The following SEH1L variants were observed in gnomAD, a reference collection of about 807,000 sequenced individuals.
SEH1L encodes the protein nucleoporin SEH1.
SEH1L carries 18 observed loss-of-function variants against 49.5 expected under a neutral mutation model. The ratio of observed to expected loss-of-function variants is 0.36; its 90% confidence interval spans 0.25 to 0.54. SEH1L has a LOEUF of 0.54. Among genes scored for constraint, SEH1L ranks in the 20% least tolerant of loss-of-function variants. The pLI is 0.87. For synonymous variants in SEH1L, 169 were observed against 178.1 expected, an observed-to-expected ratio of 0.95 and a Z score of 0.41; for missense variants, 404 against 528.8, an observed-to-expected ratio of 0.76 and a Z score of 2.31.
intron 3 of SEH1L, 123 bp from the exon 4 acceptor site, chr18:12,963,037 C>G: frequency 1.6e-6 from 1 of 640,704 alleles, no homozygotes; most frequent in Non-Finnish European, 2.6e-6. Flanking sequence ...GAGATGTATC[C>G]AAGCTTATAT....
chr18:12,985,266 G>T, intron 8 of SEH1L: 2 of 1,608,490 alleles, frequency 1.2e-6, no homozygotes, highest in South Asian at 2.2e-5. Context: ...CAAGCTAACT[G>T]GAGTAACTTT....
At position 12,965,263 on chromosome 18, in the gene SEH1L, C is replaced by G. The variant is rs534143913; in HGVS notation, c.521+1892C>G. Among the ~76,000 whole-genome samples the G allele has an allele frequency of 2.8e-4, 43 of 152,134 alleles. 2 individuals carry two copies. The South Asian group carries it at 8.3e-3, about 29-fold the overall frequency. ...TCCTGACCTTGTGATCCGCCCACCT[C>G]GGCCTCCCAAACTGCTGGGATTACA... On this transcript the variant is annotated intron_variant, in intron 4 of 8. Transcript: ENST00000399892.
chr18:12,981,633 A>G (rs1299084931), intron 6 of SEH1L, among the ~76,000 whole-genome samples: 1 of 152,204 alleles, frequency 6.6e-6, no homozygotes, highest in African/African-American at 2.4e-5. Context: ...GCAGATTTAT[A>G]TTCTCTTAAC....
At chr18:12,978,601 G>A in intron 5 of SEH1L, 151 bp from the exon 6 acceptor site, 1 of 602,258 alleles carries the variant, frequency 1.7e-6, no homozygotes, top group Non-Finnish European at 2.9e-6. Flanking sequence ...TCAGGACTTG[G>A]ACATATTCTT....
chr18:12,969,987 CTTATAA>C (rs1287492319), intron 4 of SEH1L, among the ~76,000 whole-genome samples: 1 of 152,170 alleles, frequency 6.6e-6, no homozygotes, highest in Non-Finnish European at 1.5e-5. Flanking sequence ...TTATAAATAA[CTTATAA>C]TTTTATTTTA....
At position 12,978,766 on chromosome 18, in the gene SEH1L, C is replaced by G; in HGVS notation, c.635C>G (p.Ala212Gly). ...YNENTRKYAK[A>G]ETLMTVTDPV... ...TTTTCCATTAGGAAATATGCAAAAG[C>G]TGAAACTCTTATGACAGTCACTGAT... Residue 212 changes from alanine to glycine, a missense_variant, in exon 6 of 9, where the codon GCT becomes GGT. Coordinates refer to ENST00000399892, the MANE Select transcript of SEH1L (RefSeq NM_001013437.2). The G allele has an allele frequency of 6.2e-7, 1 of 1,608,872 alleles. No individual in the cohort carries two copies. The highest frequency in any genetic ancestry group is 1.7e-5 in the Admixed American group (1 of 58,796).
chr18:12,969,859 C>T (rs1444306787), intron 4 of SEH1L, among the ~76,000 whole-genome samples: 1 of 151,956 alleles, frequency 6.6e-6, no homozygotes, highest in Non-Finnish European at 1.5e-5. Context: ...CACTGCACTC[C>T]AGCCTGGGTG....
chr18:12,967,287 G>A (rs2031493191), intron 4 of SEH1L, among the ~76,000 whole-genome samples: 1 of 152,052 alleles, frequency 6.6e-6, no homozygotes, highest in South Asian at 2.1e-4. Context: ...ATATGTTGTT[G>A]ATTGACTAAC....
At chr18:12,970,383 G>A (rs1204437594) in intron 4 of SEH1L, among the ~76,000 whole-genome samples, 1 of 152,150 alleles carries the variant, frequency 6.6e-6, no homozygotes, top group Non-Finnish European at 1.5e-5. Context: ...TGCAGGGGTA[G>A]TCTTTTCCAC....
At chr18:12,966,804 C>G (rs1213441433) in intron 4 of SEH1L, among the ~76,000 whole-genome samples, 1 of 152,190 alleles carries the variant, frequency 6.6e-6, no homozygotes, top group Non-Finnish European at 1.5e-5. Flanking sequence ...TCTCTTGTCT[C>G]TGTTCTGTCT....
intron 3 of SEH1L, among the ~76,000 whole-genome samples, chr18:12,958,599 A>T (rs2031020003): frequency 6.6e-6 from 1 of 152,160 alleles, no homozygotes. Flanking sequence ...GTGGAATCAC[A>T]GTATTTGTCC....
intron 5 of SEH1L, chr18:12,976,946 A>G (rs2031949957): frequency 1.3e-5 from 2 of 152,148 alleles, no homozygotes; most frequent in Admixed American, 6.6e-5. Flanking sequence ...ACTGCACTCC[A>G]GCCTGGGCGA....
intron 4 of SEH1L, among the ~76,000 whole-genome samples, chr18:12,968,588 C>T (rs947731128): frequency 1.3e-5 from 2 of 152,168 alleles, no homozygotes; most frequent in Non-Finnish European, 2.9e-5. Context: ...GTGATACGGA[C>T]TCTTTTTTCC....
At chr18:12,950,911 C>T (rs1598937653) in intron 1 of SEH1L, among the ~76,000 whole-genome samples, 1 of 152,050 alleles carries the variant, frequency 6.6e-6, no homozygotes, top group East Asian at 1.9e-4. Flanking sequence ...GCCTTAAACT[C>T]CTGGGCTCAA....
At chr18:12,961,166 G>A (rs546987484) in intron 3 of SEH1L, among the ~76,000 whole-genome samples, 3 of 152,242 alleles carry the variant, frequency 2.0e-5, no homozygotes, top group South Asian at 2.1e-4. Flanking sequence ...CTGGAGTTGC[G>A]CAGATGCTCA....
chr18:12,955,707 C>T, intron 3 of SEH1L, 98 bp downstream of exon 3: 2 of 1,220,720 alleles, frequency 1.6e-6, no homozygotes, highest in Non-Finnish European at 2.3e-6. Context: ...AATATCACCA[C>T]TCCCCTCTAG....
rs190539471 is a variant in SEH1L, at chr18:12,954,379, A to G, written c.163-1084A>G. Among the ~76,000 whole-genome samples, 386 of 152,312 alleles carry G rather than the reference A, an allele frequency of 2.5e-3. 1 individual carries two copies. Among genetic ancestry groups the G allele is most frequent in the Admixed American group, 6.7e-3 (102 of 15,294 alleles). Reference sequence around the variant, plus strand: ...CTTCCCCATATTTGCTCTTCCTACAATAGTCTGTTATCGATAGACTGTATT... The same window carrying G: ...CTTCCCCATATTTGCTCTTCCTACAGTAGTCTGTTATCGATAGACTGTATT... On this transcript the variant is annotated intron_variant, in intron 2 of 8. Coordinates refer to ENST00000399892, the MANE Select transcript of SEH1L (RefSeq NM_001013437.2).
chr18:12,980,544 G>A (rs1333426218), intron 6 of SEH1L, among the ~76,000 whole-genome samples: 2 of 107,200 alleles, frequency 1.9e-5, no homozygotes, highest in Admixed American at 8.8e-5. Flanking sequence ...CCTCCCGGAC[G>A]GGGCGGCTGG....
intron 7 of SEH1L, 111 bp downstream of exon 7, chr18:12,982,786 T>A: frequency 1.3e-6 from 1 of 762,044 alleles, no homozygotes; most frequent in Non-Finnish European, 2.1e-6. Flanking sequence ...CAGTTACTTT[T>A]AATGTCATAT....
Sources: allele counts gnomAD v4.1 joint callset (sites outside exome capture counted in the v4.1 genomes callset), GRCh38; gene constraint gnomAD v4.1.1; transcripts MANE v1.5; gene names NCBI Gene and HGNC (gene_info 2026-07-23, HGNC 2026-07-21).